FNDC3B: variants seen among roughly 807,000 people sequenced by gnomAD.
FNDC3B encodes fibronectin type III domain-containing protein 3B.
A neutral mutation model predicts 151.5 loss-of-function variants in FNDC3B; 12 were observed. The observed-to-expected ratio is 0.08, with a 90% confidence interval of 0.05 to 0.13. The LOEUF is 0.13. FNDC3B is among the 10% of genes least tolerant of loss of function. The pLI is 1.00. For synonymous variants in FNDC3B, 528 were observed against 549.0 expected, an observed-to-expected ratio of 0.96 and a Z score of 0.54; for missense variants, 1,214 against 1,505.3, an observed-to-expected ratio of 0.81 and a Z score of 3.20.
chr3:172,316,835 G>T (rs1731809322), intron 11 of FNDC3B, among the ~76,000 whole-genome samples: 1 of 152,204 alleles, frequency 6.6e-6, no homozygotes, highest in South Asian at 2.1e-4. Flanking sequence ...ATTTTGTGCT[G>T]CTGTAACAGA....
intron 11 of FNDC3B, among the ~76,000 whole-genome samples, chr3:172,322,181 C>G (rs1011067625): frequency 6.6e-6 from 1 of 152,228 alleles, no homozygotes; most frequent in South Asian, 2.1e-4. Flanking sequence ...AGAGTTTCAG[C>G]GAGGAGGGCT....
chr3:172,151,455 C>T lies in FNDC3B; in HGVS notation c.187+17909C>T, dbSNP rs116428155. Among the ~76,000 whole-genome samples the T allele has an allele frequency of 6.6e-3, 998 of 152,282 alleles. 8 individuals carry two copies. The highest frequency in any genetic ancestry group is 0.023 in the African/African-American group (959 of 41,546). On this transcript the variant is annotated intron_variant, in intron 3 of 25. Transcript: ENST00000415807. ...TTACCGTCTCCCCGACTCCACTCCC[C>T]ACTCCCCCAACCTCTTTTTTTTTCC...
chr3:172,324,663 C>T (rs1174584441), intron 11 of FNDC3B, among the ~76,000 whole-genome samples: 1 of 152,206 alleles, frequency 6.6e-6, no homozygotes, highest in African/African-American at 2.4e-5. Flanking sequence ...AGCCAGTGCA[C>T]CCTGAAAATC....
intron 2 of FNDC3B, among the ~76,000 whole-genome samples, chr3:172,119,518 G>C (rs1720433329): frequency 6.6e-6 from 1 of 152,172 alleles, no homozygotes; most frequent in Non-Finnish European, 1.5e-5. Context: ...AACAGACCAG[G>C]CTAGGAAAAG....
intron 2 of FNDC3B, among the ~76,000 whole-genome samples, chr3:172,127,316 T>C (rs952143108): frequency 1.3e-5 from 2 of 152,244 alleles, no homozygotes; most frequent in Non-Finnish European, 2.9e-5. Context: ...TGTTGAATTA[T>C]CTCTGTATTG....
At chr3:172,098,246 G>C (rs1395840867) in intron 1 of FNDC3B, among the ~76,000 whole-genome samples, 2 of 152,004 alleles carry the variant, frequency 1.3e-5, no homozygotes, top group African/African-American at 4.8e-5. Context: ...AAACCCTGAG[G>C]CTAGTAGTTT....
chr3:172,350,239 C>A (rs1204743913), intron 21 of FNDC3B, among the ~76,000 whole-genome samples: 3 of 152,156 alleles, frequency 2.0e-5, no homozygotes, highest in African/African-American at 7.2e-5. Flanking sequence ...TACTGTAATT[C>A]TATGAATTAG....
rs140523735 is a variant in FNDC3B, at chr3:172,102,095, G to T, written c.-28-10357G>T. Among the ~76,000 whole-genome samples, 802 of 152,168 alleles carry T rather than the reference G, an allele frequency of 5.3e-3. 4 individuals carry two copies. The highest frequency in any genetic ancestry group is 0.019 in the African/African-American group (776 of 41,516). On this transcript the variant is annotated intron_variant, in intron 1 of 25. Transcript: ENST00000415807. ...CTCACTAACCTATATATAAATTTTAGCCAGCTCTTCTACTTGGGTTTTGTT... is the reference window on the plus strand; with the variant it reads ...CTCACTAACCTATATATAAATTTTATCCAGCTCTTCTACTTGGGTTTTGTT...
At chr3:172,366,756 C>G (rs573001069) in intron 23 of FNDC3B, among the ~76,000 whole-genome samples, 29 of 152,250 alleles carry the variant, frequency 1.9e-4, no homozygotes, top group African/African-American at 6.7e-4. Flanking sequence ...ATGAACACTT[C>G]TTAGAAAAGA....
intron 3 of FNDC3B, among the ~76,000 whole-genome samples, chr3:172,186,128 A>G (rs958766154): frequency 3.3e-5 from 5 of 152,246 alleles, no homozygotes; most frequent in Admixed American, 6.5e-5. Context: ...TTATGAATTA[A>G]GCATTCTTAG....
intron 6 of FNDC3B, among the ~76,000 whole-genome samples, chr3:172,285,451 G>A (rs1055640464): frequency 2.0e-5 from 3 of 152,246 alleles, no homozygotes; most frequent in African/African-American, 4.8e-5. Context: ...GCTGCCCGTC[G>A]AACGTAAACA....
rs368466844 is a variant in FNDC3B, at chr3:172,366,832, G to A, written c.3008+3987G>A. The stretch of plus-strand genomic sequence containing the variant: ...CCTCATGCCTGGGGAGCATTGGGAT[G>A]GAGACTAGTGATGAAGACTTGAGAT... On this transcript the variant is annotated intron_variant, in intron 23 of 25. Coordinates refer to ENST00000415807, the MANE Select transcript of FNDC3B (RefSeq NM_022763.4). Among the ~76,000 whole-genome samples the A allele has an allele frequency of 7.2e-5, 11 of 152,324 alleles. No homozygotes were observed. The South Asian group carries it at 1.7e-3, about 23-fold the overall frequency.
chr3:172,255,821 A>G (rs957224503), intron 6 of FNDC3B, among the ~76,000 whole-genome samples: 5 of 152,182 alleles, frequency 3.3e-5, no homozygotes, highest in Admixed American at 3.3e-4. Flanking sequence ...GTCCTAGGGC[A>G]CTTCCAGCTC....
chr3:172,093,637 T>C (rs1718957117), intron 1 of FNDC3B, among the ~76,000 whole-genome samples: 1 of 151,884 alleles, frequency 6.6e-6, no homozygotes, highest in Non-Finnish European at 1.5e-5. Flanking sequence ...GGCCTCAGGC[T>C]GTCCTCCCTC....
chr3:172,302,103 T>A (rs1220728143), intron 9 of FNDC3B: 1 of 152,250 alleles, frequency 6.6e-6, no homozygotes, highest in Admixed American at 6.5e-5. Context: ...TATTCCTTGT[T>A]ACTTTTCATT....
In FNDC3B at chr3:172,400,781, G is replaced by A. The variant is rs1403855892; in HGVS notation, c.*3306G>A. ...CTTTCTTTTTTTTTTTTTTTGAGAC[G>A]GAGTCTTGCTCTGTCGCCAGGCTGG... On this transcript the variant is annotated 3_prime_UTR_variant, in exon 26 of 26. Transcript: ENST00000415807. 6.1e-5 allele frequency: 9 copies of A among 147,066 alleles called. No individual in the cohort carries two copies. Among genetic ancestry groups the A allele is most frequent in the East Asian group, 4.2e-4 (2 of 4,784 alleles). 9.1% of individuals were successfully genotyped at this position (147,066 alleles called of 1,614,324 possible). A position where few individuals can be genotyped will look rare whatever the true frequency, so the allele number is the denominator to read the frequency against.
chr3:172,260,136 A>G (rs1240998492), intron 6 of FNDC3B, among the ~76,000 whole-genome samples: 2 of 152,268 alleles, frequency 1.3e-5, no homozygotes, highest in Non-Finnish European at 2.9e-5. Flanking sequence ...TGTCATCCCA[A>G]AGAACCCTTT....
At chr3:172,045,892 A>G (rs2108451848) in intron 1 of FNDC3B, among the ~76,000 whole-genome samples, 2 of 152,152 alleles carry the variant, frequency 1.3e-5, no homozygotes, top group East Asian at 3.9e-4. Context: ...GTGGCTAGAT[A>G]GGGGCAGGTA....
intron 1 of FNDC3B, among the ~76,000 whole-genome samples, chr3:172,057,562 G>GTT (rs1356045029): frequency 6.6e-6 from 1 of 152,118 alleles, no homozygotes; most frequent in East Asian, 1.9e-4. Flanking sequence ...TTACTGGCAG[G>GTT]TTTTTTTCTA....
Sources: gnomAD v4.1 joint callset for allele counts (sites outside exome capture counted in the v4.1 genomes callset) on GRCh38, gnomAD v4.1.1 for gene constraint, MANE v1.5 for transcripts, NCBI Gene and HGNC (gene_info 2026-07-23, HGNC 2026-07-21) for gene names.